Variants in SYNPR observed in about 807,000 individuals in gnomAD.
SYNPR encodes the protein synaptoporin.
SYNPR carries 23 observed loss-of-function variants against 32.9 expected under a neutral mutation model. That is an observed-to-expected ratio of 0.70 (90% CI 0.50 to 0.99). The LOEUF is 0.99. SYNPR is among the 50% of genes least tolerant of loss of function. The pLI, the probability that SYNPR is intolerant of heterozygous loss-of-function variation, is 0.00. For missense variants in SYNPR, 318 were observed against 349.3 expected (o/e 0.91, Z 0.71); for synonymous variants, 146 against 135.9 (o/e 1.07, Z -0.52).
intron 4 of SYNPR, among the ~76,000 whole-genome samples, chr3:63,568,411 A>G (rs1423872125): frequency 6.6e-6 from 1 of 152,206 alleles, no homozygotes; most frequent in East Asian, 1.9e-4. Flanking sequence ...TCTGCTGTGC[A>G]CAAGACAGGT....
intron 2 of SYNPR, among the ~76,000 whole-genome samples, chr3:63,304,354 T>TTGTG (rs34570930): frequency 0.046 from 6,718 of 146,584 alleles, 431 homozygotes; most frequent in African/African-American, 0.15. Context: ...GTGTGTGTGT[T>TTGTG]TGTGTGTGTG....
chr3:63,294,448 C>T lies in SYNPR; in HGVS notation c.84+15706C>T, dbSNP rs373446089. Among the ~76,000 whole-genome samples, 13 of 152,220 alleles carry T rather than the reference C, an allele frequency of 8.5e-5. No homozygotes were observed. In the South Asian group the frequency reaches 1.7e-3, roughly 19 times the overall value. On this transcript the variant is annotated intron_variant, in intron 2 of 5. Coordinates refer to ENST00000478300, the MANE Select transcript of SYNPR (RefSeq NM_001130003.2). The stretch of plus-strand genomic sequence containing the variant: ...GTAAAATTATTTATATTCTTATTTT[C>T]GTTTGGAAATATTTTAATGAACAGA...
At position 63,568,496 on chromosome 3, in the gene SYNPR, C is replaced by T. The variant is rs148293256; in HGVS notation, c.408+11755C>T. Among the ~76,000 whole-genome samples, 98 of 152,242 alleles carry T rather than the reference C, an allele frequency of 6.4e-4. 1 individual carries two copies. In the Middle Eastern group the frequency reaches 0.01, roughly 16 times the overall value. On this transcript the variant is annotated intron_variant, in intron 4 of 5. Transcript: ENST00000478300. ...CCCTCTCCCACTTATATAGTCCTGG[C>T]GGATGGTCAATCATGGTGCCTCACT...
intron 2 of SYNPR, chr3:63,427,393 G>A (rs990217483): frequency 6.6e-6 from 1 of 152,136 alleles, no homozygotes; most frequent in Admixed American, 6.5e-5. Flanking sequence ...TTTCCCCAGT[G>A]TATAAAGTAT....
chr3:63,460,646 G>C (rs1321877819), intron 2 of SYNPR, among the ~76,000 whole-genome samples: 1 of 143,120 alleles, frequency 7.0e-6, no homozygotes, highest in Admixed American at 7.1e-5. Context: ...TATTTGCAAA[G>C]ACAATGAGAG....
intron 2 of SYNPR, among the ~76,000 whole-genome samples, chr3:63,311,426 G>A (rs982781160): frequency 2.6e-5 from 4 of 152,068 alleles, no homozygotes; most frequent in African/African-American, 2.4e-5. Context: ...AGACCACTAT[G>A]AGCATTACCA....
At chr3:63,325,898 T>C (rs1035407239) in intron 2 of SYNPR, among the ~76,000 whole-genome samples, 1 of 151,846 alleles carries the variant, frequency 6.6e-6, no homozygotes, top group Non-Finnish European at 1.5e-5. Flanking sequence ...TCCACAACAC[T>C]CTGGGGCTCT....
chr3:63,314,781 G>A (rs999910670), intron 2 of SYNPR, among the ~76,000 whole-genome samples: 1 of 152,000 alleles, frequency 6.6e-6, no homozygotes, highest in East Asian at 1.9e-4. Flanking sequence ...TTGGGTTCTT[G>A]GTCATGAAAT....
At chr3:63,432,563 T>C (rs1474505166) in intron 2 of SYNPR, among the ~76,000 whole-genome samples, 1 of 152,212 alleles carries the variant, frequency 6.6e-6, no homozygotes, top group African/African-American at 2.4e-5. Context: ...GTGCATACAT[T>C]TCAACATTGT....
At chr3:63,477,282 G>A (rs1435474052) in intron 2 of SYNPR, among the ~76,000 whole-genome samples, 1 of 152,158 alleles carries the variant, frequency 6.6e-6, no homozygotes, top group African/African-American at 2.4e-5. Context: ...GCCACTGGCA[G>A]ATTTTCTCTG....
intron 2 of SYNPR, among the ~76,000 whole-genome samples, chr3:63,470,991 T>C (rs1181451376): frequency 3.9e-5 from 6 of 152,202 alleles, no homozygotes; most frequent in Non-Finnish European, 5.9e-5. Flanking sequence ...AGACTAGTCA[T>C]TTCAGAAAAT....
In SYNPR at chr3:63,564,556, T is replaced by C. The variant is rs138768486; in HGVS notation, c.408+7815T>C. 1.8e-3 allele frequency among the ~76,000 whole-genome samples: 275 copies of C among 152,142 alleles called. 1 individual carries two copies. Among genetic ancestry groups the C allele is most frequent in the Admixed American group, 3.6e-3 (55 of 15,286 alleles). ...TCTCTGAGATAAGAAGTGTCGATAA[T>C]GCAAAAATGTATGGACTTCACCTTA... On this transcript the variant is annotated intron_variant, in intron 4 of 5. Coordinates refer to ENST00000478300, the MANE Select transcript of SYNPR (RefSeq NM_001130003.2).
chr3:63,398,447 G>A (rs78171081), intron 2 of SYNPR, among the ~76,000 whole-genome samples: 18,302 of 152,008 alleles, frequency 0.12, 1,475 homozygotes, highest in East Asian at 0.44. Flanking sequence ...TTGGCCAGGC[G>A]CGGTGGCTCA....
intron 2 of SYNPR, among the ~76,000 whole-genome samples, chr3:63,479,483 A>G (rs1033205767): frequency 3.5e-5 from 5 of 141,794 alleles, no homozygotes; most frequent in African/African-American, 1.3e-4. Context: ...TGACTCACAA[A>G]ATATTGCTTT....
intron 3 of SYNPR, among the ~76,000 whole-genome samples, chr3:63,485,333 T>G (rs1266389471): frequency 2.0e-5 from 3 of 151,992 alleles, no homozygotes; most frequent in South Asian, 2.1e-4. Flanking sequence ...TTTCTGCACA[T>G]GTATCCCAGA....
intron 2 of SYNPR, among the ~76,000 whole-genome samples, chr3:63,435,340 G>A (rs78852434): frequency 0.016 from 2,483 of 152,276 alleles, 60 homozygotes; most frequent in African/African-American, 0.056. Flanking sequence ...CATAATCCAT[G>A]AACAGCGCTT....
At chr3:63,469,435 A>C (rs1700755259) in intron 2 of SYNPR, among the ~76,000 whole-genome samples, 1 of 152,176 alleles carries the variant, frequency 6.6e-6, no homozygotes, top group South Asian at 2.1e-4. Context: ...CAATGCACTA[A>C]GATATGGTTA....
At chr3:63,251,926 G>A (rs935989740) in intron 1 of SYNPR, among the ~76,000 whole-genome samples, 4 of 151,904 alleles carry the variant, frequency 2.6e-5, no homozygotes, top group Non-Finnish European at 5.9e-5. Context: ...GATAAAATCA[G>A]GTTGAGTAAA....
rs146826255 is a variant in SYNPR, at chr3:63,301,536, T to G, written c.84+22794T>G. ...TATTGAGTTGATGTCTACATCAACATTCACTATTTTGAAAAATCTATTTTG... is the reference window on the plus strand; with the variant it reads ...TATTGAGTTGATGTCTACATCAACAGTCACTATTTTGAAAAATCTATTTTG... On this transcript the variant is annotated intron_variant, in intron 2 of 5. Transcript: ENST00000478300. 3.6e-3 allele frequency among the ~76,000 whole-genome samples: 548 copies of G among 152,196 alleles called. 2 individuals carry two copies. The highest frequency in any genetic ancestry group is 0.012 in the African/African-American group (481 of 41,562).
Sources: gnomAD v4.1 joint callset for allele counts (sites outside exome capture counted in the v4.1 genomes callset) on GRCh38, gnomAD v4.1.1 for gene constraint, MANE v1.5 for transcripts, NCBI Gene and HGNC (gene_info 2026-07-23, HGNC 2026-07-21) for gene names.